The following MIER1 variants were observed in gnomAD, a reference collection of about 807,000 sequenced individuals.
The protein encoded by MIER1 is mesoderm induction early response protein 1.
A neutral mutation model predicts 75.7 loss-of-function variants in MIER1; 40 were observed. That is an observed-to-expected ratio of 0.53 (90% CI 0.41 to 0.69). The LOEUF is 0.69. Ranked by LOEUF, MIER1 falls within the 30% of genes least tolerant of loss-of-function variation. The pLI is 0.00. For synonymous variants in MIER1, 213 were observed against 223.4 expected, an observed-to-expected ratio of 0.95 and a Z score of 0.42; for missense variants, 574 against 680.2, an observed-to-expected ratio of 0.84 and a Z score of 1.74.
chr1:66,951,572 GTTT>G (rs5774851), intron 4 of MIER1, among the ~76,000 whole-genome samples: 1 of 149,130 alleles, frequency 6.7e-6, no homozygotes, highest in African/African-American at 2.5e-5. Flanking sequence ...GTGTATTCCT[GTTT>G]TTTTTTTTTA....
intron 13 of MIER1, among the ~76,000 whole-genome samples, chr1:66,983,923 A>AC (rs1194837110): frequency 6.6e-6 from 1 of 151,970 alleles, no homozygotes; most frequent in Non-Finnish European, 1.5e-5. Context: ...ACAAGTTTTC[A>AC]CCCTATTGGC....
chr1:66,984,491 A>G (rs997495236), intron 13 of MIER1, 81 bp from the exon 14 acceptor site: 81 of 1,018,880 alleles, frequency 7.9e-5, no homozygotes, highest in Non-Finnish European at 1.1e-4. Context: ...CTTGATAACA[A>G]TAACTACAAG....
At chr1:66,930,077 C>T (rs1236367410) in intron 2 of MIER1, among the ~76,000 whole-genome samples, 4 of 152,148 alleles carry the variant, frequency 2.6e-5, no homozygotes, top group Non-Finnish European at 5.9e-5. Context: ...CCCACCTCCT[C>T]CCACACCCAC....
At position 66,984,688 on chromosome 1, in the gene MIER1, A is replaced by G. The variant is rs1309647408; in HGVS notation, c.1486A>G (p.Thr496Ala). 5 of 1,613,898 alleles carry G rather than the reference A, an allele frequency of 3.1e-6. No homozygotes were observed. The highest frequency in any genetic ancestry group is 4.2e-6 in the Non-Finnish European group (5 of 1,179,902). Residue 496 changes from threonine to alanine, a missense_variant, in exon 14 of 14, where the codon ACT becomes GCT. Around this residue, in one of 3 missense-constraint regions of MIER1, gnomAD observed 164 missense variants for 154.3 expected, o/e 1.06. Coordinates refer to ENST00000401041, the MANE Select transcript of MIER1 (RefSeq NM_001077700.3). Reference protein sequence around the residue: ...NKKPLHADMDTNGYETDNLTT... With the variant: ...NKKPLHADMDANGYETDNLTT... ...GAAACCACTTCATGCAGATATGGAT[A>G]CTAATGGTTATGAAACAGATAACCT...
At chr1:66,937,656 T>G (rs531295253) in intron 2 of MIER1, among the ~76,000 whole-genome samples, 1 of 152,190 alleles carries the variant, frequency 6.6e-6, no homozygotes, top group South Asian at 2.1e-4. Flanking sequence ...TTATTTCATA[T>G]CTAAATAAAA....
At chr1:66,957,744 C>T (rs1429864518) in intron 4 of MIER1, among the ~76,000 whole-genome samples, 3 of 151,954 alleles carry the variant, frequency 2.0e-5, no homozygotes, top group East Asian at 1.9e-4. Flanking sequence ...CCATGCATAG[C>T]GTTAACTGTC....
chr1:66,963,776 C>G (rs191739056), intron 8 of MIER1, among the ~76,000 whole-genome samples: 5 of 151,910 alleles, frequency 3.3e-5, no homozygotes, highest in Admixed American at 6.6e-5. Context: ...GGCGTCGTGG[C>G]GCGCACCTGT....
intron 4 of MIER1, among the ~76,000 whole-genome samples, chr1:66,951,358 T>G (rs1001476641): frequency 6.6e-6 from 1 of 152,010 alleles, no homozygotes; most frequent in African/African-American, 2.4e-5. Context: ...TGAACTCCTG[T>G]GTGCAAGCAG....
chr1:66,971,158 C>T (rs1663521876), intron 9 of MIER1, among the ~76,000 whole-genome samples, 199 bp downstream of exon 9: 1 of 152,046 alleles, frequency 6.6e-6, no homozygotes, highest in Admixed American at 6.5e-5. Flanking sequence ...AAACAAAAAC[C>T]TGTTTTATTT....
At chr1:66,926,304 AG>A in intron 2 of MIER1, 62 bp downstream of exon 2, 1 of 1,255,052 alleles carries the variant, frequency 8.0e-7, no homozygotes, top group Non-Finnish European at 1.2e-6. Context: ...AAGTAATATA[AG>A]ATTATATTAC....
intron 3 of MIER1, among the ~76,000 whole-genome samples, chr1:66,942,890 T>A (rs1054143997): frequency 1.3e-5 from 2 of 152,202 alleles, no homozygotes; most frequent in Non-Finnish European, 2.9e-5. Flanking sequence ...AAAAATGGAC[T>A]TCAGGTGAGT....
intron 2 of MIER1, among the ~76,000 whole-genome samples, chr1:66,935,855 T>C (rs1222787702): frequency 1.3e-5 from 2 of 152,076 alleles, no homozygotes; most frequent in Middle Eastern, 3.2e-3. Context: ...GATATCTCTA[T>C]TTTTAATGGA....
At chr1:66,961,386 A>C (rs1027844787) in intron 7 of MIER1, among the ~76,000 whole-genome samples, 1 of 152,204 alleles carries the variant, frequency 6.6e-6, no homozygotes, top group Non-Finnish European at 1.5e-5. Context: ...TGGGAATAAC[A>C]ATGTCAGCCT....
intron 11 of MIER1, 82 bp downstream of exon 11, chr1:66,973,073 G>T: frequency 1.4e-6 from 1 of 736,292 alleles, no homozygotes; most frequent in Non-Finnish European, 2.3e-6. Context: ...TTGTTATATT[G>T]TCTAGTGTTA....
At chr1:66,966,929 G>T (rs1662534133) in intron 8 of MIER1, among the ~76,000 whole-genome samples, 5 of 152,080 alleles carry the variant, frequency 3.3e-5, no homozygotes, top group African/African-American at 1.2e-4. Context: ...TCTAAGATGG[G>T]TAGTTTGCAA....
intron 2 of MIER1, chr1:66,930,281 G>C: frequency 6.5e-7 from 1 of 1,542,812 alleles, no homozygotes; most frequent in Non-Finnish European, 8.7e-7. Flanking sequence ...GTGGCGGCGG[G>C]AGCGGCAGAG....
At chr1:66,963,374 G>C (rs1286215757) in intron 8 of MIER1, among the ~76,000 whole-genome samples, 1 of 152,110 alleles carries the variant, frequency 6.6e-6, no homozygotes. Context: ...GCCAAAAAAG[G>C]AAAAAGTGAA....
chr1:66,946,132 T>C lies in MIER1; in HGVS notation c.194-18T>C. 2 of 1,582,268 alleles carry C rather than the reference T, an allele frequency of 1.3e-6. No individual in the cohort carries two copies. The highest frequency in any genetic ancestry group is 1.7e-6 in the Non-Finnish European group (2 of 1,171,382). ...ACTTAATTTGGTTTACCAAACTTTT[T>C]GAAATATTCCTTACCAGGAGGTTCA... On this transcript the variant is annotated intron_variant, in intron 3 of 13. Transcript: ENST00000401041.
chr1:66,925,844 T>C (rs536150857), intron 1 of MIER1, among the ~76,000 whole-genome samples: 6 of 152,332 alleles, frequency 3.9e-5, no homozygotes, highest in East Asian at 1.9e-4. Flanking sequence ...GAAGAACTTA[T>C]GTAATTACAA....
Sources: gnomAD v4.1 joint callset for allele counts (sites outside exome capture counted in the v4.1 genomes callset) on GRCh38, gnomAD v4.1.1 for gene constraint, gnomAD v4.1.1 regional missense constraint, MANE v1.5 for transcripts, NCBI Gene and HGNC (gene_info 2026-07-23, HGNC 2026-07-21) for gene names.